GPR158: variants seen among roughly 807,000 people sequenced by gnomAD.
GPR158 encodes G protein-coupled receptor 158.
In GPR158, 30 loss-of-function variants were observed where a neutral mutation model predicts 78.2. That is an observed-to-expected ratio of 0.38 (90% CI 0.29 to 0.52). The LOEUF (loss-of-function observed/expected upper bound fraction) is 0.52, where lower values mean the gene tolerates loss of function less well. GPR158 is among the 20% of genes least tolerant of loss of function. GPR158 has a pLI of 0.83. For missense variants in GPR158, 1,463 were observed against 1,523.5 expected (o/e 0.96, Z 0.66); for synonymous variants, 581 against 591.1 (o/e 0.98, Z 0.25).
At chr10:25,367,856 T>C (rs983660159) in intron 2 of GPR158, among the ~76,000 whole-genome samples, 7 of 151,786 alleles carry the variant, frequency 4.6e-5, no homozygotes, top group African/African-American at 1.5e-4. Context: ...AACTCTCTTC[T>C]GTATATGTTT....
intron 2 of GPR158, among the ~76,000 whole-genome samples, chr10:25,320,948 T>C (rs769751236): frequency 6.6e-6 from 1 of 152,216 alleles, no homozygotes; most frequent in African/African-American, 2.4e-5. Flanking sequence ...GTGTAATTTA[T>C]GCAATGGCAT....
chr10:25,595,312 A>G (rs1837385543), intron 9 of GPR158, among the ~76,000 whole-genome samples: 1 of 152,228 alleles, frequency 6.6e-6, no homozygotes, highest in Non-Finnish European at 1.5e-5. Context: ...TCAACTAGAC[A>G]CAAGTATTTG....
chr10:25,464,819 C>T (rs1835401309), intron 4 of GPR158, among the ~76,000 whole-genome samples: 1 of 152,126 alleles, frequency 6.6e-6, no homozygotes, highest in South Asian at 2.1e-4. Flanking sequence ...AAATAAGCTT[C>T]ATAATTAGGC....
intron 5 of GPR158, among the ~76,000 whole-genome samples, chr10:25,521,323 T>C (rs1836269382): frequency 6.6e-6 from 1 of 152,210 alleles, no homozygotes; most frequent in South Asian, 2.1e-4. Flanking sequence ...ATCACCCGTC[T>C]TCTGCGTCGC....
Position 25,598,287 on chromosome 10 carries a change from A to G in GPR158, c.2661A>G (p.Ser887=), listed in dbSNP as rs1356264631. The G allele has an allele frequency of 2.5e-6, 4 of 1,614,004 alleles. No individual in the cohort carries two copies. The highest frequency in any genetic ancestry group is 2.2e-5 in the South Asian group (2 of 91,080). The change falls in exon 11 of 11, where the codon TCA becomes TCG. Residue 887 remains serine (S), a synonymous_variant. Transcript: ENST00000376351. ...CKSASAHNLS[S]EKKTGHPRTS... is the part of the protein sequence containing the mutation. ...CAGCAAGCGCTCACAACCTCAGCTC[A>G]GAGAAGAAAACTGGGCACCCACGAA...
chr10:25,228,679 CT>C (rs1440049674), intron 2 of GPR158, among the ~76,000 whole-genome samples: 3 of 152,112 alleles, frequency 2.0e-5, no homozygotes, highest in African/African-American at 7.2e-5. Flanking sequence ...TTTTTTCCCC[CT>C]GAATGTGAGC....
At chr10:25,489,175 A>G (rs1036952878) in intron 5 of GPR158, among the ~76,000 whole-genome samples, 2 of 152,152 alleles carry the variant, frequency 1.3e-5, no homozygotes, top group Admixed American at 6.6e-5. Context: ...GTGGAACAAG[A>G]TAAACACCTA....
At chr10:25,188,754 A>T (rs2130638821) in intron 1 of GPR158, among the ~76,000 whole-genome samples, 1 of 152,348 alleles carries the variant, frequency 6.6e-6, no homozygotes, top group Admixed American at 6.5e-5. Context: ...CACCAAAAGC[A>T]ATGGCAACAG....
At chr10:25,587,896 T>G (rs556424553) in intron 7 of GPR158, among the ~76,000 whole-genome samples, 2 of 152,316 alleles carry the variant, frequency 1.3e-5, no homozygotes, top group South Asian at 4.1e-4. Flanking sequence ...ATGTTTTGAG[T>G]GGACATCAAT....
chr10:25,323,937 T>C (rs1420107628), intron 2 of GPR158, among the ~76,000 whole-genome samples: 1 of 152,238 alleles, frequency 6.6e-6, no homozygotes, highest in Non-Finnish European at 1.5e-5. Flanking sequence ...AACCAACTTC[T>C]GCTATCCTCC....
At chr10:25,251,134 A>T (rs1853791239) in intron 2 of GPR158, among the ~76,000 whole-genome samples, 1 of 152,044 alleles carries the variant, frequency 6.6e-6, no homozygotes, top group Admixed American at 6.5e-5. Flanking sequence ...TAGGAATGCA[A>T]CCCCTGCCTT....
At chr10:25,453,771 C>A (rs1439057935) in intron 4 of GPR158, among the ~76,000 whole-genome samples, 2 of 152,152 alleles carry the variant, frequency 1.3e-5, no homozygotes, top group African/African-American at 4.8e-5. Context: ...GCTCTCAATT[C>A]TGTTCCATAG....
chr10:25,275,302 T>G (rs1387325200), intron 2 of GPR158, among the ~76,000 whole-genome samples: 6 of 152,162 alleles, frequency 3.9e-5, no homozygotes, highest in Admixed American at 1.3e-4. Flanking sequence ...CCCCAAACCT[T>G]CTGAATTTCT....
Position 25,540,106 on chromosome 10 carries a change from A to G in GPR158, c.1405-10870A>G, listed in dbSNP as rs535005938. ...AACTCAAACAAATTTACAAGAAAGA[A>G]ACAACCCCATCAATAAGTGGGCGAA... On this transcript the variant is annotated intron_variant, in intron 5 of 10. Transcript: ENST00000376351. Among the ~76,000 whole-genome samples the G allele has an allele frequency of 1.6e-4, 24 of 152,324 alleles. No homozygotes were observed. In the South Asian group the frequency reaches 4.8e-3, roughly 30 times the overall value.
chr10:25,316,224 T>G (rs544571586), intron 2 of GPR158, among the ~76,000 whole-genome samples: 20 of 152,148 alleles, frequency 1.3e-4, no homozygotes, highest in South Asian at 4.1e-4. Context: ...TCATTGAAGA[T>G]CAATTTACCC....
intron 5 of GPR158, among the ~76,000 whole-genome samples, chr10:25,486,862 T>TA (rs138096943): frequency 0.063 from 9,375 of 149,936 alleles, 820 homozygotes; most frequent in African/African-American, 0.2. Context: ...GAAAGTGAAA[T>TA]AAAAAAAATA....
intron 2 of GPR158, among the ~76,000 whole-genome samples, chr10:25,317,132 C>T (rs936403980): frequency 6.6e-5 from 10 of 151,816 alleles, no homozygotes; most frequent in Non-Finnish European, 1.3e-4. Flanking sequence ...GCAACCTCCA[C>T]CTCCTGGGTT....
At chr10:25,250,106 G>A (rs1486127187) in intron 2 of GPR158, among the ~76,000 whole-genome samples, 2 of 120,374 alleles carry the variant, frequency 1.7e-5, no homozygotes, top group African/African-American at 6.7e-5. Flanking sequence ...GCATAGAGGT[G>A]TTTGTAGTAT....
At chr10:25,238,494 T>TAAAA (rs1853559150) in intron 2 of GPR158, among the ~76,000 whole-genome samples, 5 of 152,342 alleles carry the variant, frequency 3.3e-5, no homozygotes, top group African/African-American at 1.2e-4. Context: ...ACATAAATGG[T>TAAAA]CAAGGTGTGT....
Sources: gnomAD v4.1 joint callset for allele counts (sites outside exome capture counted in the v4.1 genomes callset) on GRCh38, gnomAD v4.1.1 for gene constraint, MANE v1.5 for transcripts, NCBI Gene and HGNC (gene_info 2026-07-23, HGNC 2026-07-21) for gene names.